RAB38: variants seen among roughly 807,000 people sequenced by gnomAD.
The protein encoded by RAB38 is ras-related protein Rab-38.
A neutral mutation model predicts 18.4 loss-of-function variants in RAB38; 15 were observed. That is an observed-to-expected ratio of 0.82 (90% CI 0.55 to 1.26). The LOEUF is 1.26. Ranked by LOEUF, RAB38 falls within the 50% of genes most tolerant of loss-of-function variation. RAB38 has a pLI of 0.00. For synonymous variants in RAB38, 101 were observed against 104.4 expected, an observed-to-expected ratio of 0.97 and a Z score of 0.20; for missense variants, 294 against 267.4, an observed-to-expected ratio of 1.10 and a Z score of -0.69.
chr11:87,958,449 A>T, the RAB38 span, among the ~76,000 whole-genome samples: 3 of 152,248 alleles, frequency 2.0e-5, no homozygotes, highest in Middle Eastern at 3.4e-3. Context: ...TCCTTTCTTC[A>T]TACCTATCTT....
chr11:87,844,325 A>G, the RAB38 span, among the ~76,000 whole-genome samples: 2 of 152,200 alleles, frequency 1.3e-5, no homozygotes, highest in Non-Finnish European at 2.9e-5. Flanking sequence ...AAGTTGTTTC[A>G]GGCATGCCTT....
At chr11:88,034,172 T>C in the RAB38 span, among the ~76,000 whole-genome samples, 11 of 152,224 alleles carry the variant, frequency 7.2e-5, no homozygotes, top group African/African-American at 2.7e-4. Flanking sequence ...TGGGATTCGC[T>C]TTTTTTCACT....
At chr11:88,133,445 C>T (rs1287481522) in intron 2 of RAB38, among the ~76,000 whole-genome samples, 1 of 152,044 alleles carries the variant, frequency 6.6e-6, no homozygotes, top group Non-Finnish European at 1.5e-5. Context: ...CTTTTGTAGA[C>T]CTGAAATTTA....
the RAB38 span, among the ~76,000 whole-genome samples, chr11:88,100,483 T>C: frequency 6.6e-6 from 1 of 151,964 alleles, no homozygotes; most frequent in Non-Finnish European, 1.5e-5. Context: ...TTGTACTTGG[T>C]ATTTCATATT....
the RAB38 span, among the ~76,000 whole-genome samples, chr11:88,027,978 C>A: frequency 1.3e-5 from 2 of 152,194 alleles, no homozygotes; most frequent in African/African-American, 2.4e-5. Flanking sequence ...GAGGCACCCC[C>A]CAGCAGGGGC....
chr11:88,008,128 T>A, the RAB38 span, among the ~76,000 whole-genome samples: 1 of 152,120 alleles, frequency 6.6e-6, no homozygotes, highest in African/African-American at 2.4e-5. Flanking sequence ...AAATTCTATG[T>A]TGTGATCAGG....
the RAB38 span, among the ~76,000 whole-genome samples, chr11:87,860,525 G>A: frequency 6.6e-6 from 1 of 151,854 alleles, no homozygotes; most frequent in East Asian, 1.9e-4. Flanking sequence ...TACTTTCATT[G>A]CGAATACGTT....
the RAB38 span, among the ~76,000 whole-genome samples, chr11:88,008,062 CAT>C: frequency 2.9e-4 from 44 of 152,062 alleles, 1 homozygote; most frequent in East Asian, 3.3e-3. Flanking sequence ...AGAGTTGTGA[CAT>C]GTGGGCAGGA....
Position 88,175,269 on chromosome 11 carries a change from C to T in RAB38, c.116G>A (p.Arg39Gln), listed in dbSNP as rs780649574. The stretch of plus-strand genomic sequence containing the variant: ...CGCGAAGTCCACGCCGATTGTGGCC[C>T]GGTAGTGCGAAGAGAAGTTCTGGTG... ...YVHQNFSSHYRATIGVDFALK... is the reference protein window; with the variant it reads ...YVHQNFSSHYQATIGVDFALK... The change falls in exon 1 of 3, where the codon CGG becomes CAG. Residue 39 changes from arginine (R) to glutamine (Q), a missense_variant. Coordinates refer to ENST00000243662, the MANE Select transcript of RAB38 (RefSeq NM_022337.3). 1.9e-6 allele frequency: 3 copies of T among 1,614,146 alleles called. No individual in the cohort carries two copies. The Admixed American group carries it at 5.0e-5, about 27-fold the overall frequency.
chr11:88,023,562 T>A, the RAB38 span, among the ~76,000 whole-genome samples: 2 of 151,964 alleles, frequency 1.3e-5, no homozygotes, highest in East Asian at 3.9e-4. Flanking sequence ...AAAATTTCTA[T>A]AGAATCACAA....
chr11:88,038,627 A>T, the RAB38 span, among the ~76,000 whole-genome samples: 4 of 152,066 alleles, frequency 2.6e-5, no homozygotes, highest in Non-Finnish European at 5.9e-5. Flanking sequence ...ACACAACTTT[A>T]CCTCAATTTT....
chr11:87,947,913 G>T, the RAB38 span, among the ~76,000 whole-genome samples: 1 of 152,084 alleles, frequency 6.6e-6, no homozygotes, highest in African/African-American at 2.4e-5. Flanking sequence ...TAAAGTAGTT[G>T]TTTTCCAATT....
the RAB38 span, among the ~76,000 whole-genome samples, chr11:87,872,196 A>T: frequency 6.6e-6 from 1 of 151,584 alleles, no homozygotes; most frequent in Non-Finnish European, 1.5e-5. Context: ...TGAATACATT[A>T]TCATATGCAT....
the RAB38 span, among the ~76,000 whole-genome samples, chr11:87,973,698 G>A: frequency 4.9e-5 from 7 of 142,520 alleles, no homozygotes; most frequent in South Asian, 2.5e-4. Flanking sequence ...GGCTACACAC[G>A]TGAAAAATGA....
the RAB38 span, among the ~76,000 whole-genome samples, chr11:87,840,529 T>A: frequency 6.6e-6 from 1 of 152,164 alleles, no homozygotes; most frequent in Admixed American, 6.6e-5. Flanking sequence ...AATCAATAGC[T>A]CAGCATCCTA....
chr11:87,822,522 T>G, the RAB38 span, among the ~76,000 whole-genome samples: 1 of 152,344 alleles, frequency 6.6e-6, no homozygotes, highest in South Asian at 2.1e-4. Context: ...GAATCCTTTT[T>G]GAAGGACCTC....
chr11:88,141,192 G>A (rs553226544), intron 2 of RAB38, among the ~76,000 whole-genome samples: 1 of 152,178 alleles, frequency 6.6e-6, no homozygotes, highest in South Asian at 2.1e-4. Flanking sequence ...AGAACCAACT[G>A]GGCACAAGAC....
At chr11:87,852,123 C>A in the RAB38 span, among the ~76,000 whole-genome samples, 1 of 151,834 alleles carries the variant, frequency 6.6e-6, no homozygotes, top group East Asian at 1.9e-4. Context: ...TCTCTGTGTC[C>A]GTGTGTCTTT....
chr11:87,889,715 G>A, the RAB38 span, among the ~76,000 whole-genome samples: 1 of 151,702 alleles, frequency 6.6e-6, no homozygotes, highest in East Asian at 2.0e-4. Context: ...TGAATCCAGA[G>A]TTTTTCTGAC....
Sources: gnomAD v4.1 joint callset for allele counts (sites outside exome capture counted in the v4.1 genomes callset) on GRCh38, gnomAD v4.1.1 for gene constraint, MANE v1.5 for transcripts, NCBI Gene and HGNC (gene_info 2026-07-23, HGNC 2026-07-21) for gene names.